The following ZNF814 variants were observed in gnomAD, a reference collection of about 807,000 sequenced individuals.
The protein encoded by ZNF814 is zinc finger protein 814.
In ZNF814, 5 loss-of-function variants were observed where a neutral mutation model predicts 7.5. That is an observed-to-expected ratio of 0.67 (90% CI 0.35 to 1.40). ZNF814 has a LOEUF of 1.40. Among genes scored for constraint, ZNF814 ranks in the 40% most tolerant of loss-of-function variants. The pLI is 0.04. For synonymous variants in ZNF814, 315 were observed against 340.7 expected (o/e 0.92, Z 0.83); for missense variants, 962 against 1,018.0 (o/e 0.94, Z 0.75).
At chr19:57,878,557 T>G (rs2071627614) in intron 1 of ZNF814, among the ~76,000 whole-genome samples, 2 of 151,498 alleles carry the variant, frequency 1.3e-5, no homozygotes, top group Admixed American at 6.6e-5. Context: ...CCTCCTGGGT[T>G]CAAGCAATTC....
chr19:57,873,044 A>C lies in ZNF814; in HGVS notation c.2346T>G (p.Ala782=). 1 of 1,613,218 alleles carries C rather than the reference A, an allele frequency of 6.2e-7. No homozygotes were observed. The highest frequency in any genetic ancestry group is 8.5e-7 in the Non-Finnish European group (1 of 1,179,720). ...TGTGTTTTGTGAAACTGGAGCTTTC[A>C]GCGAAAGATTTTCCACATTCACTGC... ...YECSECGKSF[A]ESSSFTKHKR... The change falls in exon 3 of 3, where the codon GCT becomes GCG. Residue 782 remains alanine, a synonymous_variant. Transcript: ENST00000435989.
the ZNF814 span, among the ~76,000 whole-genome samples, chr19:57,895,856 G>GT: frequency 0.054 from 8,293 of 152,214 alleles, 781 homozygotes; most frequent in African/African-American, 0.19. Flanking sequence ...AGAATTCAGG[G>GT]TGAGTCCACA....
chr19:57,903,051 G>A, the ZNF814 span, among the ~76,000 whole-genome samples: 1 of 152,010 alleles, frequency 6.6e-6, no homozygotes, highest in Admixed American at 6.6e-5. Context: ...TTGCATTAAC[G>A]ACATCTTGAT....
At chr19:57,894,348 G>C in the ZNF814 span, among the ~76,000 whole-genome samples, 1 of 148,016 alleles carries the variant, frequency 6.8e-6, no homozygotes, top group Non-Finnish European at 1.5e-5. Context: ...CCTGGCAACA[G>C]AGTGAGACTC....
At chr19:57,895,635 A>C in the ZNF814 span, among the ~76,000 whole-genome samples, 1 of 151,632 alleles carries the variant, frequency 6.6e-6, no homozygotes, top group African/African-American at 2.4e-5. Context: ...AGAGACTCTA[A>C]CTCCCTAAGC....
rs1468813874 is a variant in ZNF814 at position 57,873,732 on chromosome 19, C to T, written c.1658G>A (p.Cys553Tyr). The T allele has an allele frequency of 1.9e-6, 3 of 1,613,456 alleles. No individual in the cohort carries two copies. The highest frequency in any genetic ancestry group is 1.3e-5 in the African/African-American group (1 of 74,984). ...GCCTTTATGACTAAAAGATTTCCCACACTCTCCACACTCATAAAGTCTGTC... is the reference window on the plus strand; with the variant it reads ...GCCTTTATGACTAAAAGATTTCCCATACTCTCCACACTCATAAAGTCTGTC... ...TGDRLYECGE[C>Y]GKSFSHKGTL... is the part of the protein sequence containing the mutation. The change falls in exon 3 of 3, where the codon TGT (cysteine) becomes TAT (tyrosine). Residue 553 changes from cysteine (C) to tyrosine (Y), a missense_variant. This residue lies in a region of ZNF814 where 665 missense variants were observed against 551.4 expected (regional missense o/e 1.21). Coordinates refer to ENST00000435989, the MANE Select transcript of ZNF814 (RefSeq NM_001144989.2).
chr19:57,877,234 A>T (rs1378103056), intron 1 of ZNF814, among the ~76,000 whole-genome samples, 192 bp from the exon 2 acceptor site: 1 of 152,036 alleles, frequency 6.6e-6, no homozygotes, highest in Non-Finnish European at 1.5e-5. Context: ...GGTGGTTGTG[A>T]CGTAAGAGTC....
chr19:57,891,899 G>C (rs2071736896), upstream of ZNF814, among the ~76,000 whole-genome samples: 1 of 152,034 alleles, frequency 6.6e-6, no homozygotes, highest in African/African-American at 2.4e-5. Flanking sequence ...GACTACAGGT[G>C]CGCACCACTA....
At chr19:57,891,272 T>G (rs1211183254), upstream of ZNF814, among the ~76,000 whole-genome samples, 1 of 152,168 alleles carries the variant, frequency 6.6e-6, no homozygotes, top group Non-Finnish European at 1.5e-5. Context: ...ACGCCTGTAA[T>G]CCCAGCACTT....
At position 57,873,601 on chromosome 19, in the gene ZNF814, C is replaced by A; in HGVS notation, c.1789G>T (p.Val597Phe). ...TCATAAGGCCTCTCTCCAGTATGAA[C>A]GCGCTGATGGCTCCTAAGGTGCCCG... ...SIGHLRSHQR[V>F]HTGERPYECG... The change falls in exon 3 of 3, where the codon GTT becomes TTT. Residue 597 changes from valine (V) to phenylalanine (F), a missense_variant. Val to Phe is a conservative substitution (Grantham distance 50). Coordinates refer to ENST00000435989, the MANE Select transcript of ZNF814 (RefSeq NM_001144989.2). The A allele has an allele frequency of 6.2e-7, 1 of 1,613,534 alleles. No homozygotes were observed. Among genetic ancestry groups the A allele is most frequent in the Non-Finnish European group, 8.5e-7 (1 of 1,179,870 alleles).
intron 1 of ZNF814, among the ~76,000 whole-genome samples, chr19:57,879,547 C>G (rs2071635415): frequency 6.7e-6 from 1 of 148,352 alleles, no homozygotes; most frequent in African/African-American, 2.5e-5. Flanking sequence ...GATTTACTAC[C>G]TTATTATGAA....
chr19:57,886,936 C>T (rs1320872783), intron 1 of ZNF814, among the ~76,000 whole-genome samples: 1 of 151,824 alleles, frequency 6.6e-6, no homozygotes, highest in African/African-American at 2.4e-5. Flanking sequence ...GCCTGTAATC[C>T]TAGCAAGTTG....
chr19:57,877,585 G>C (rs1186927875), intron 1 of ZNF814, among the ~76,000 whole-genome samples: 5 of 152,160 alleles, frequency 3.3e-5, no homozygotes, highest in African/African-American at 7.2e-5. Flanking sequence ...TGGGATTACA[G>C]GCATGTACCA....
At chr19:57,892,494 C>A (rs1305008000), upstream of ZNF814, among the ~76,000 whole-genome samples, 4 of 152,154 alleles carry the variant, frequency 2.6e-5, no homozygotes, top group African/African-American at 7.2e-5. Context: ...GGGTTAGAGG[C>A]CCCTCTCAGT....
chr19:57,875,456 A>G (rs1349267353), intron 2 of ZNF814, among the ~76,000 whole-genome samples: 1 of 152,266 alleles, frequency 6.6e-6, no homozygotes, highest in African/African-American at 2.4e-5. Flanking sequence ...TAAAACAGGG[A>G]GTACAGGCAG....
intron 1 of ZNF814, among the ~76,000 whole-genome samples, chr19:57,885,258 G>C (rs2071680690): frequency 6.6e-6 from 1 of 151,348 alleles, no homozygotes; most frequent in Non-Finnish European, 1.5e-5. Flanking sequence ...GGAGGCGGAG[G>C]TTGCAGTGAG....
rs972435815 is a variant in ZNF814, at chr19:57,869,773, C to T, written c.*3049G>A. The T allele has an allele frequency of 5.9e-5, 9 of 151,854 alleles. No homozygotes were observed. The highest frequency in any genetic ancestry group is 3.2e-3 in the Middle Eastern group (1 of 314). The allele number at this position is 151,854 out of a possible 1,614,324, so 9.4% of individuals were successfully genotyped here. On this transcript the variant is annotated 3_prime_UTR_variant, in exon 3 of 3. Transcript: ENST00000435989. ...CAGCCTGGCCAACATGGCAAAACTC[C>T]GTCTCTACTAAAAATACAAAACTTG...
chr19:57,888,594 C>T (rs1360659173), intron 1 of ZNF814, among the ~76,000 whole-genome samples, 173 bp downstream of exon 1: 3 of 152,126 alleles, frequency 2.0e-5, no homozygotes, highest in Non-Finnish European at 4.4e-5. Flanking sequence ...AGTCCCTGTA[C>T]CTGCCGGTCT....
At chr19:57,895,299 G>A in the ZNF814 span, among the ~76,000 whole-genome samples, 1 of 144,892 alleles carries the variant, frequency 6.9e-6, no homozygotes, top group East Asian at 2.0e-4. Flanking sequence ...TTTTTGAGAT[G>A]AAGTCTCACT....
Sources: allele counts gnomAD v4.1 joint callset (sites outside exome capture counted in the v4.1 genomes callset), GRCh38; gene constraint gnomAD v4.1.1; regional missense constraint gnomAD v4.1.1; transcripts MANE v1.5; gene names NCBI Gene and HGNC (gene_info 2026-07-23, HGNC 2026-07-21).